Variants in RASGRF1 observed in about 807,000 individuals in gnomAD.
RASGRF1 encodes ras-specific guanine nucleotide-releasing factor 1.
A neutral mutation model predicts 138.7 loss-of-function variants in RASGRF1; 40 were observed. The ratio of observed to expected loss-of-function variants is 0.29; its 90% CI spans 0.22 to 0.38. The LOEUF is 0.38. Among genes scored for constraint, RASGRF1 ranks in the 10% least tolerant of loss-of-function variants. The pLI, the probability that RASGRF1 is intolerant of heterozygous loss-of-function variation, is 1.00. For missense variants in RASGRF1, 1,108 were observed against 1,650.4 expected (o/e 0.67, Z 5.69); for synonymous variants, 614 against 663.2 (o/e 0.93, Z 1.14).
chr15:79,043,445 G>A (rs1202013886), intron 5 of RASGRF1, among the ~76,000 whole-genome samples: 1 of 152,176 alleles, frequency 6.6e-6, no homozygotes, highest in East Asian at 1.9e-4. Flanking sequence ...GCTGGGCTCT[G>A]TGCTAAACAC....
intron 5 of RASGRF1, among the ~76,000 whole-genome samples, chr15:79,043,068 G>A (rs1442633181): frequency 1.3e-5 from 2 of 152,136 alleles, no homozygotes; most frequent in African/African-American, 2.4e-5. Context: ...CAGGGACCAG[G>A]GTAGAGGAGA....
chr15:79,015,632 C>G (rs1320144055), intron 12 of RASGRF1, among the ~76,000 whole-genome samples: 1 of 152,220 alleles, frequency 6.6e-6, no homozygotes, highest in Non-Finnish European at 1.5e-5. Context: ...TACTTGACCT[C>G]AAGTCTTAGT....
At chr15:79,034,602 G>A (rs978014908) in intron 6 of RASGRF1, among the ~76,000 whole-genome samples, 2 of 152,200 alleles carry the variant, frequency 1.3e-5, no homozygotes, top group East Asian at 3.9e-4. Flanking sequence ...TGCCTTCATG[G>A]GTACTGGAGT....
intron 13 of RASGRF1, among the ~76,000 whole-genome samples, chr15:79,010,313 CAGGCTTG>C (rs1358698345): frequency 1.3e-5 from 2 of 152,338 alleles, no homozygotes; most frequent in East Asian, 3.9e-4. Flanking sequence ...GCCGGGATTA[CAGGCTTG>C]AGTCACTGCA....
At chr15:79,042,205 G>C (rs1043788076) in intron 5 of RASGRF1, among the ~76,000 whole-genome samples, 1 of 152,182 alleles carries the variant, frequency 6.6e-6, no homozygotes, top group Non-Finnish European at 1.5e-5. Context: ...CTGGAGAGAG[G>C]CTTCTCTCTT....
At chr15:78,983,215 G>A (rs2056074982) in intron 23 of RASGRF1, among the ~76,000 whole-genome samples, 1 of 152,250 alleles carries the variant, frequency 6.6e-6, no homozygotes, top group South Asian at 2.1e-4. Context: ...GTGCTGTGCA[G>A]ACACACAACT....
At chr15:79,042,701 A>G (rs1887893723) in intron 5 of RASGRF1, among the ~76,000 whole-genome samples, 1 of 152,112 alleles carries the variant, frequency 6.6e-6, no homozygotes, top group African/African-American at 2.4e-5. Flanking sequence ...ATTTCCTGCC[A>G]CCTCTCTGAT....
At chr15:79,082,905 T>C (rs1407090443) in intron 1 of RASGRF1, among the ~76,000 whole-genome samples, 1 of 152,172 alleles carries the variant, frequency 6.6e-6, no homozygotes, top group Non-Finnish European at 1.5e-5. Flanking sequence ...GTCACTGCTA[T>C]AGTGAGGAAC....
intron 1 of RASGRF1, among the ~76,000 whole-genome samples, chr15:79,089,363 G>A (rs745030): frequency 0.42 from 64,288 of 152,098 alleles, 13,833 homozygotes; most frequent in East Asian, 0.5. Context: ...CTCTGCAGGT[G>A]CCCCTCCTCC....
chr15:79,048,876 G>A (rs1293551582), intron 4 of RASGRF1, among the ~76,000 whole-genome samples: 1 of 152,212 alleles, frequency 6.6e-6, no homozygotes, highest in African/African-American at 2.4e-5. Context: ...CCTGTCTTGA[G>A]TCTGGCAAGC....
rs777121282 is a variant in RASGRF1 at position 78,973,299 on chromosome 15, G to C, written c.3612+4C>G. The stretch of plus-strand genomic sequence containing the variant: ...CTTCCCCTGCCTGGCTGGGGGGAAC[G>C]CACCATCCTCATCTTGGAGAAGTTG... On this transcript the variant is annotated splice_donor_region_variant and intron_variant, in intron 25 of 26. Transcript: ENST00000558480. The surrounding 1 kb of genome is among the most constrained non-coding windows in gnomAD (Gnocchi z 4.9). 2.5e-6 allele frequency: 4 copies of C among 1,599,260 alleles called. No homozygotes were observed. The highest frequency in any genetic ancestry group is 3.4e-6 in the Non-Finnish European group (4 of 1,168,270).
chr15:78,970,388 G>A (rs1482608412), intron 26 of RASGRF1, among the ~76,000 whole-genome samples: 1 of 152,054 alleles, frequency 6.6e-6, no homozygotes, highest in Non-Finnish European at 1.5e-5. Flanking sequence ...GGGCATAGTG[G>A]CGTGCCAGAC....
At chr15:79,025,917 A>G (rs1160034244) in intron 9 of RASGRF1, among the ~76,000 whole-genome samples, 3 of 112,092 alleles carry the variant, frequency 2.7e-5, no homozygotes, top group African/African-American at 9.1e-5. Context: ...AAAGATAGCT[A>G]CTAAGATTTA....
intron 2 of RASGRF1, among the ~76,000 whole-genome samples, chr15:79,059,999 C>G (rs972835835): frequency 5.6e-5 from 7 of 124,484 alleles, no homozygotes; most frequent in East Asian, 2.1e-4. Context: ...CAGACACACA[C>G]ACACACACAC....
intron 10 of RASGRF1, among the ~76,000 whole-genome samples, chr15:79,020,709 G>A (rs995118563): frequency 3.9e-5 from 6 of 152,218 alleles, no homozygotes; most frequent in African/African-American, 1.4e-4. Context: ...ATCCATGAGT[G>A]TGGGAGCATC....
chr15:79,036,959 C>T (rs889986357), intron 5 of RASGRF1, among the ~76,000 whole-genome samples: 1 of 152,152 alleles, frequency 6.6e-6, no homozygotes, highest in African/African-American at 2.4e-5. Context: ...AGACTTTGAG[C>T]TCTCACTTCT....
intron 5 of RASGRF1, among the ~76,000 whole-genome samples, chr15:79,043,337 T>C (rs2057319806): frequency 6.6e-6 from 1 of 152,206 alleles, no homozygotes. Flanking sequence ...GATATAAGGG[T>C]AATGCTGACT....
chr15:79,078,897 C>A (rs2141096345), intron 1 of RASGRF1, among the ~76,000 whole-genome samples: 1 of 152,390 alleles, frequency 6.6e-6, no homozygotes, highest in East Asian at 1.9e-4. Flanking sequence ...CAGAGACTGA[C>A]CTCCTGGGTG....
At chr15:79,075,184 G>A (rs548084983) in intron 1 of RASGRF1, among the ~76,000 whole-genome samples, 1 of 152,230 alleles carries the variant, frequency 6.6e-6, no homozygotes, top group African/African-American at 2.4e-5. Context: ...TTTTGCCTGG[G>A]GCTTCAGTAG....
Sources: allele counts gnomAD v4.1 joint callset (sites outside exome capture counted in the v4.1 genomes callset), GRCh38; gene constraint gnomAD v4.1.1; non-coding constraint Gnocchi (gnomAD v3.1); transcripts MANE v1.5; gene names NCBI Gene and HGNC (gene_info 2026-07-23, HGNC 2026-07-21).